Variants in SNX7 observed in about 807,000 individuals in gnomAD.
The protein encoded by SNX7 is sorting nexin-7.
In SNX7, 35 loss-of-function variants were observed where a neutral mutation model predicts 48.4. The observed-to-expected ratio is 0.72, with a 90% CI of 0.55 to 0.96. The LOEUF is 0.96. Among genes scored for constraint, SNX7 ranks in the 40% least tolerant of loss-of-function variants. The pLI is 0.00. For synonymous variants in SNX7, 190 were observed against 190.2 expected, an observed-to-expected ratio of 1.00 and a Z score of 0.01; for missense variants, 553 against 548.9, an observed-to-expected ratio of 1.01 and a Z score of -0.07.
At chr1:98,693,007 C>T (rs1208564500) in intron 4 of SNX7, among the ~76,000 whole-genome samples, 1 of 151,974 alleles carries the variant, frequency 6.6e-6, no homozygotes, top group Non-Finnish European at 1.5e-5. Flanking sequence ...TGTCACAAAT[C>T]TCCAAAAAAT....
At chr1:98,694,574 T>C (rs1272821348) in intron 4 of SNX7, among the ~76,000 whole-genome samples, 1 of 145,500 alleles carries the variant, frequency 6.9e-6, no homozygotes, top group Non-Finnish European at 1.5e-5. Flanking sequence ...CAGTTCTTGC[T>C]CTACCACTTA....
At chr1:98,758,484 A>G (rs1338155683) in intron 8 of SNX7, among the ~76,000 whole-genome samples, 1 of 152,076 alleles carries the variant, frequency 6.6e-6, no homozygotes, top group Non-Finnish European at 1.5e-5. Flanking sequence ...TCATAAAGTT[A>G]GTAACTTACT....
In SNX7 at chr1:98,695,545, C is replaced by G. The variant is rs376791566; in HGVS notation, c.667C>G (p.Pro223Ala). The G allele has an allele frequency of 1.2e-5, 19 of 1,613,960 alleles. No individual in the cohort carries two copies. Among genetic ancestry groups the G allele is most frequent in the Non-Finnish European group, 1.5e-5 (18 of 1,180,016 alleles). ...ACTCTCTTCTCACAAGAAGCAAGGT[C>G]CTGGCTTGCTAAGCAGGATGGGGCA... ...WELSSHKKQG[P>A]GLLSRMGQTV... Residue 223 changes from proline to alanine, a missense_variant, in exon 5 of 9, where the codon CCT (proline) becomes GCT (alanine). By Grantham distance (27) the Pro-to-Ala change is conservative. Coordinates refer to ENST00000306121, the MANE Select transcript of SNX7 (RefSeq NM_015976.5).
intron 1 of SNX7, among the ~76,000 whole-genome samples, chr1:98,671,401 T>C (rs1359837067): frequency 6.6e-6 from 1 of 152,196 alleles, no homozygotes; most frequent in Non-Finnish European, 1.5e-5. Context: ...TAGCAAATAC[T>C]GACATAAAAA....
At chr1:98,697,024 A>G (rs1255288450) in intron 5 of SNX7, among the ~76,000 whole-genome samples, 2 of 152,122 alleles carry the variant, frequency 1.3e-5, no homozygotes, top group African/African-American at 4.8e-5. Flanking sequence ...CACAGTTTAG[A>G]ATTTTAGGGC....
At chr1:98,745,081 A>C (rs1654250138) in intron 8 of SNX7, among the ~76,000 whole-genome samples, 1 of 152,070 alleles carries the variant, frequency 6.6e-6, no homozygotes, top group Non-Finnish European at 1.5e-5. Context: ...ACCCTTTGTC[A>C]ATAGCCTGTC....
chr1:98,714,728 G>A (rs1446033419), intron 7 of SNX7, among the ~76,000 whole-genome samples: 1 of 152,124 alleles, frequency 6.6e-6, no homozygotes, highest in Non-Finnish European at 1.5e-5. Flanking sequence ...TGTTCCAGGA[G>A]GTTTGTTAGG....
At chr1:98,722,472 G>T (rs1382640618) in intron 7 of SNX7, among the ~76,000 whole-genome samples, 1 of 152,114 alleles carries the variant, frequency 6.6e-6, no homozygotes, top group African/African-American at 2.4e-5. Context: ...GTAGCTGTCA[G>T]ATTAGAAATG....
rs1649225551 is a variant in SNX7, at chr1:98,661,726, C to A, written c.-6C>A. 8.2e-7 allele frequency: 1 copy of A among 1,223,084 alleles called. No homozygotes were observed. The highest frequency in any genetic ancestry group is 4.1e-5 in the South Asian group (1 of 24,218). The allele number at this position is 1,223,084 out of a possible 1,614,324, so 75.8% of individuals were successfully genotyped here. On this transcript the variant is annotated 5_prime_UTR_variant, in exon 1 of 9. Coordinates refer to ENST00000306121, the MANE Select transcript of SNX7 (RefSeq NM_015976.5). ...GGTGGCGGCCGGCTGGGCGCGCACTCTCGGGATGGAGGGCGAGCGCCGGGC... is the reference window on the plus strand; with the variant it reads ...GGTGGCGGCCGGCTGGGCGCGCACTATCGGGATGGAGGGCGAGCGCCGGGC...
rs1197325213 is a variant in SNX7, at chr1:98,709,136, C to T, written c.1125+7233C>T. 2.0e-5 allele frequency among the ~76,000 whole-genome samples: 3 copies of T among 152,100 alleles called. No homozygotes were observed. The East Asian group carries it at 5.8e-4, about 29-fold the overall frequency. The stretch of plus-strand genomic sequence containing the variant: ...TGTGAGAGATGTGGGTAATGCCTTC[C>T]GTAGAGTGTTGTTAAATGAGCATAT... On this transcript the variant is annotated intron_variant, in intron 7 of 8. Transcript: ENST00000306121.
intron 2 of SNX7, among the ~76,000 whole-genome samples, chr1:98,690,210 A>T (rs77144094): frequency 0.011 from 1,684 of 152,252 alleles, 20 homozygotes; most frequent in Non-Finnish European, 0.014. Flanking sequence ...ATATTACTGC[A>T]TGTAATTTTT....
chr1:98,693,869 G>A (rs1010729265), intron 4 of SNX7, among the ~76,000 whole-genome samples: 2 of 151,786 alleles, frequency 1.3e-5, no homozygotes, highest in African/African-American at 4.8e-5. Context: ...TATTTTATTC[G>A]ATCCCAAGCT....
chr1:98,672,878 T>C (rs954033628), intron 1 of SNX7, among the ~76,000 whole-genome samples: 63 of 129,606 alleles, frequency 4.9e-4, no homozygotes, highest in African/African-American at 1.7e-3. Context: ...GAGCCGAGAT[T>C]GCGCCACTGC....
chr1:98,702,047 T>C, intron 7 of SNX7, 144 bp downstream of exon 7: 1 of 561,628 alleles, frequency 1.8e-6, no homozygotes, highest in Non-Finnish European at 3.1e-6. Flanking sequence ...TAAAATTTCT[T>C]CCTAAAATCT....
intron 4 of SNX7, among the ~76,000 whole-genome samples, chr1:98,694,356 C>T (rs935008260): frequency 8.8e-5 from 12 of 135,988 alleles, no homozygotes; most frequent in African/African-American, 3.4e-4. Context: ...GGCGAAAGAG[C>T]GAGACTCCGT....
rs941050449 is a variant in SNX7 at position 98,760,330 on chromosome 1, A to G, written c.*199A>G. The stretch of plus-strand genomic sequence containing the variant: ...TATCTATCTGTATGGATATATATCT[A>G]TATGTATATAGATATATAAATACAG... On this transcript the variant is annotated 3_prime_UTR_variant, in exon 9 of 9. Transcript: ENST00000306121. 9.8e-6 allele frequency: 5 copies of G among 509,118 alleles called. No individual in the cohort carries two copies. Among genetic ancestry groups the G allele is most frequent in the African/African-American group, 3.8e-5 (2 of 52,518 alleles). 31.5% of individuals were successfully genotyped at this position (509,118 alleles called of 1,614,324 possible).
chr1:98,734,326 G>A (rs1446513121), intron 7 of SNX7, among the ~76,000 whole-genome samples: 2 of 151,906 alleles, frequency 1.3e-5, no homozygotes, highest in Non-Finnish European at 2.9e-5. Context: ...TTGTGTATCT[G>A]TATCTAATTG....
At chr1:98,756,358 G>A (rs976651908) in intron 8 of SNX7, among the ~76,000 whole-genome samples, 4 of 137,546 alleles carry the variant, frequency 2.9e-5, no homozygotes, top group East Asian at 2.4e-4. Flanking sequence ...TACTCATGTC[G>A]TTACTATGTC....
intron 1 of SNX7, among the ~76,000 whole-genome samples, chr1:98,677,707 G>A (rs186930498): frequency 6.6e-5 from 10 of 151,826 alleles, no homozygotes; most frequent in African/African-American, 1.9e-4. Flanking sequence ...GTGAAACCCC[G>A]TCTCTACTAA....
Sources: gnomAD v4.1 joint callset for allele counts (sites outside exome capture counted in the v4.1 genomes callset) on GRCh38, gnomAD v4.1.1 for gene constraint, MANE v1.5 for transcripts, NCBI Gene and HGNC (gene_info 2026-07-23, HGNC 2026-07-21) for gene names.